Variants in UBR7 observed in about 807,000 individuals in gnomAD.
UBR7 encodes ubiquitin protein ligase E3 component n-recognin 7.
A neutral mutation model predicts 57.0 loss-of-function variants in UBR7; 22 were observed. The observed-to-expected ratio is 0.39, with a 90% CI of 0.28 to 0.55. UBR7 has a LOEUF of 0.55. Among genes scored for constraint, UBR7 ranks in the 20% least tolerant of loss-of-function variants. The probability of loss-of-function intolerance (pLI) is 0.69; values close to 1 mark genes in which losing one functional copy is unlikely to be tolerated. For synonymous variants in UBR7, 167 were observed against 179.8 expected, an observed-to-expected ratio of 0.93 and a Z score of 0.57; for missense variants, 395 against 513.2, an observed-to-expected ratio of 0.77 and a Z score of 2.23.
chr14:93,212,041 A>C lies in UBR7; in HGVS notation c.355A>C (p.Lys119Gln). 6.2e-7 allele frequency: 1 copy of C among 1,611,348 alleles called. No individual in the cohort carries two copies. The highest frequency in any genetic ancestry group is 8.5e-7 in the Non-Finnish European group (1 of 1,178,228). Residue 119 changes from lysine to glutamine, a missense_variant, in exon 4 of 11, where the codon AAG (lysine) becomes CAG (glutamine). Lys to Gln is a moderately conservative substitution (Grantham distance 53). Coordinates refer to ENST00000013070, the MANE Select transcript of UBR7 (RefSeq NM_175748.4). ...LECKLLPDKA[K>Q]VNSGNKYNDN... Reference sequence around the variant, plus strand: ...CAATATTATATTTCAGGACAAAGCAAAGGTAAATTCTGGCAATAAGTACAA... The same window carrying C: ...CAATATTATATTTCAGGACAAAGCACAGGTAAATTCTGGCAATAAGTACAA...
In UBR7 at chr14:93,220,240, T is replaced by TC. The variant is rs749892076; in HGVS notation, c.961-6dup. Reference sequence around the variant, plus strand: ...CCTCTTTCTTTTTTTTTTTTTTTTTTCCCTAAAGAAAATGTATGGAGATCT... The same window carrying TC: ...CCTCTTTCTTTTTTTTTTTTTTTTTTCCCCTAAAGAAAATGTATGGAGATCT... On this transcript the variant is annotated splice_polypyrimidine_tract_variant and intron_variant, in intron 8 of 10. Transcript: ENST00000013070. 267 of 1,583,640 alleles carry TC rather than the reference T, an allele frequency of 1.7e-4. No homozygotes were observed. Among genetic ancestry groups the TC allele is most frequent in the South Asian group, 7.3e-4 (64 of 88,114 alleles).
In UBR7 at chr14:93,229,090, A is replaced by G; in HGVS notation, c.*2055A>G. On this transcript the variant is annotated 3_prime_UTR_variant, in exon 11 of 11. Transcript: ENST00000013070. ...GTTTTATGCAAAACACAAATATGAT[A>G]TTAGTTGCTTTTAAGGAGTTCTGGC... The G allele has an allele frequency of 2.7e-6, 1 of 374,598 alleles. No individual in the cohort carries two copies. The highest frequency in any genetic ancestry group is 2.0e-5 in the South Asian group (1 of 49,524). 23.2% of individuals were successfully genotyped at this position (374,598 alleles called of 1,614,324 possible). A position where few individuals can be genotyped will look rare whatever the true frequency, so the allele number is the denominator to read the frequency against.
chr14:93,222,456 T>G, intron 10 of UBR7, 82 bp downstream of exon 10: 1 of 1,112,894 alleles, frequency 9.0e-7, no homozygotes, highest in Non-Finnish European at 1.4e-6. Context: ...TAAAAATGAC[T>G]GCGACTGGCG....
At chr14:93,213,867 T>C (rs1894539934) in intron 4 of UBR7, among the ~76,000 whole-genome samples, 1 of 152,206 alleles carries the variant, frequency 6.6e-6, no homozygotes, top group Admixed American at 6.5e-5. Context: ...AACCAAATTA[T>C]ATAGAGGGAC....
At chr14:93,223,660 G>T in intron 10 of UBR7, 4 of 1,385,146 alleles carry the variant, frequency 2.9e-6, no homozygotes, top group African/African-American at 1.4e-5. Flanking sequence ...GCAGGACCCG[G>T]TGGGGCAGCG....
Position 93,212,029 on chromosome 14 carries a change from C to T in UBR7, c.346-3C>T. ...TATTATTGAAATCAATATTATATTT[C>T]AGGACAAAGCAAAGGTAAATTCTGG... On this transcript the variant is annotated splice_polypyrimidine_tract_variant and splice_region_variant and intron_variant, in intron 3 of 10. Coordinates refer to ENST00000013070, the MANE Select transcript of UBR7 (RefSeq NM_175748.4). The T allele has an allele frequency of 1.2e-6, 2 of 1,605,258 alleles. No individual in the cohort carries two copies. Among genetic ancestry groups the T allele is most frequent in the African/African-American group, 2.7e-5 (2 of 74,728 alleles).
At chr14:93,218,844 C>G in intron 7 of UBR7, 109 bp downstream of exon 7, 3 of 1,193,082 alleles carry the variant, frequency 2.5e-6, no homozygotes, top group East Asian at 4.8e-5. Flanking sequence ...CACCTGAGGT[C>G]ACGGGTTTGA....
At chr14:93,209,209 T>G (rs1372223503) in intron 1 of UBR7, among the ~76,000 whole-genome samples, 1 of 152,242 alleles carries the variant, frequency 6.6e-6, no homozygotes, top group Non-Finnish European at 1.5e-5. Context: ...AAAAATAAGT[T>G]GCAGACACGA....
intron 9 of UBR7, among the ~76,000 whole-genome samples, chr14:93,221,715 C>T (rs984492674): frequency 2.6e-5 from 4 of 152,066 alleles, no homozygotes; most frequent in Non-Finnish European, 4.4e-5. Flanking sequence ...GGCGCCATGG[C>T]TCACGCCTGT....
chr14:93,213,655 G>GTTATGCATCTTTTCA, intron 4 of UBR7, among the ~76,000 whole-genome samples: 1 of 152,126 alleles, frequency 6.6e-6, no homozygotes, highest in Non-Finnish European at 1.5e-5. Flanking sequence ...GATAAGTGAG[G>GTTATGCATCTTTTCA]TTATGCATCT....
At chr14:93,210,184 C>T (rs184803426) in intron 2 of UBR7, among the ~76,000 whole-genome samples, 2 of 151,948 alleles carry the variant, frequency 1.3e-5, no homozygotes, top group African/African-American at 2.4e-5. Flanking sequence ...CCCGGGTTCA[C>T]GCCATTCTCC....
At position 93,227,654 on chromosome 14, in the gene UBR7, G is replaced by T. The variant is rs1310538699; in HGVS notation, c.*619G>T. ...TTTTCTGGTCTGGATGTCTGTCACA[G>T]GCGGAGAGATTAACAGATGACAGGG... On this transcript the variant is annotated 3_prime_UTR_variant, in exon 11 of 11. Transcript: ENST00000013070. The T allele has an allele frequency of 1.4e-6, 1 of 700,840 alleles. No individual in the cohort carries two copies. Among genetic ancestry groups the T allele is most frequent in the Non-Finnish European group, 2.6e-6 (1 of 384,836 alleles). 43.4% of individuals were successfully genotyped at this position (700,840 alleles called of 1,614,324 possible). A position where few individuals can be genotyped will look rare whatever the true frequency, so the allele number is the denominator to read the frequency against.
At chr14:93,216,702 C>T (rs1894599268) in intron 6 of UBR7, among the ~76,000 whole-genome samples, 1 of 151,514 alleles carries the variant, frequency 6.6e-6, no homozygotes, top group Admixed American at 6.6e-5. Context: ...CTCAACCTTG[C>T]CTCCTGGGTT....
In UBR7 at chr14:93,209,688, T is replaced by C. The variant is rs559471576; in HGVS notation, c.151-136T>C. The C allele has an allele frequency of 1.8e-4, 208 of 1,184,906 alleles. No homozygotes were observed. The African/African-American group carries it at 3.0e-3, about 17-fold the overall frequency. The allele number at this position is 1,184,906 out of a possible 1,614,324, so 73.4% of individuals were successfully genotyped here. ...TGGTTGATGCTCTGTTGTGTAAACT[T>C]TTTAGTCTTAATGGTTTTTACAGAA... On this transcript the variant is annotated intron_variant, in intron 1 of 10. Transcript: ENST00000013070.
intron 3 of UBR7, among the ~76,000 whole-genome samples, chr14:93,211,709 C>T (rs959534653): frequency 1.6e-4 from 25 of 152,008 alleles, no homozygotes; most frequent in African/African-American, 5.8e-4. Context: ...AAAAGAAGTA[C>T]CTTGAAATTC....
chr14:93,220,934 T>C (rs1247537576), intron 9 of UBR7, among the ~76,000 whole-genome samples: 1 of 152,180 alleles, frequency 6.6e-6, no homozygotes, highest in Non-Finnish European at 1.5e-5. Context: ...ATCAGTCATT[T>C]CTGTCTTTTA....
At chr14:93,222,185 C>A in intron 9 of UBR7, 128 bp from the exon 10 acceptor site, 1 of 694,210 alleles carries the variant, frequency 1.4e-6, no homozygotes, top group Non-Finnish European at 2.6e-6. Context: ...TTCTATGCAG[C>A]TTTCACTTAA....
rs1361702127 is a variant in UBR7, at chr14:93,218,454, CTGTT to C, written c.602-72_602-69del. Reference sequence around the variant, plus strand: ...ATAATAGAATAAGTGATTTTATTGTCTGTTGGGATTTTATTGTCCGTTAGGTCAG... The same window carrying C: ...ATAATAGAATAAGTGATTTTATTGTCGGGATTTTATTGTCCGTTAGGTCAG... On this transcript the variant is annotated intron_variant, in intron 6 of 10. Transcript: ENST00000013070. The C allele has an allele frequency of 9.7e-5, 120 of 1,234,948 alleles. 1 individual carries two copies. The South Asian group carries it at 1.3e-3, about 13-fold the overall frequency. 76.5% of individuals were successfully genotyped at this position (1,234,948 alleles called of 1,614,324 possible).
chr14:93,226,491 A>T (rs1894850194), intron 10 of UBR7, among the ~76,000 whole-genome samples: 1 of 152,156 alleles, frequency 6.6e-6, no homozygotes, highest in African/African-American at 2.4e-5. Context: ...CACAAAATTT[A>T]AAAATTAGCC....
Sources: allele counts gnomAD v4.1 joint callset (sites outside exome capture counted in the v4.1 genomes callset), GRCh38; gene constraint gnomAD v4.1.1; transcripts MANE v1.5; gene names NCBI Gene and HGNC (gene_info 2026-07-23, HGNC 2026-07-21).